The following EGFLAM variants were observed in gnomAD, a reference collection of about 807,000 sequenced individuals.
EGFLAM encodes pikachurin.
In EGFLAM, 79 loss-of-function variants were observed where a neutral mutation model predicts 113.1. The ratio of observed to expected loss-of-function variants is 0.70; its 90% confidence interval spans 0.58 to 0.84. EGFLAM has a LOEUF of 0.84. Among genes scored for constraint, EGFLAM ranks in the 40% least tolerant of loss-of-function variants. The pLI is 0.00. For synonymous variants in EGFLAM, 504 were observed against 487.6 expected (o/e 1.03, Z -0.44); for missense variants, 1,265 against 1,291.6 (o/e 0.98, Z 0.32).
chr5:38,329,875 G>A (rs759495131), intron 1 of EGFLAM, among the ~76,000 whole-genome samples: 17 of 152,050 alleles, frequency 1.1e-4, no homozygotes, highest in Non-Finnish European at 1.8e-4. Context: ...CATCATTAAC[G>A]TAGAGACTGA....
chr5:38,421,933 C>T (rs577427101), intron 12 of EGFLAM, among the ~76,000 whole-genome samples: 1 of 152,106 alleles, frequency 6.6e-6, no homozygotes, highest in African/African-American at 2.4e-5. Flanking sequence ...TTAGACGGGG[C>T]TTTCAGGGAT....
At chr5:38,293,582 T>C (rs1221993111) in intron 1 of EGFLAM, among the ~76,000 whole-genome samples, 1 of 152,222 alleles carries the variant, frequency 6.6e-6, no homozygotes, top group Non-Finnish European at 1.5e-5. Context: ...TCCTTAGCTG[T>C]TTTCCTTTAC....
In EGFLAM at chr5:38,438,111, G is replaced by T. The variant is rs1431411532; in HGVS notation, c.2284-164G>T. Among the ~76,000 whole-genome samples the T allele has an allele frequency of 5.6e-5, 7 of 126,092 alleles. No individual in the cohort carries two copies. In the East Asian group the frequency reaches 1.6e-3, roughly 28 times the overall value. 82.7% of individuals were successfully genotyped at this position (126,092 alleles called of 152,430 possible). ...CACTCCAGCCTGGGCAACACAGAAA[G>T]ACTCCATCTCCAAAAAAAAAAAAAA... On this transcript the variant is annotated intron_variant, in intron 16 of 21. Coordinates refer to ENST00000322350, the MANE Select transcript of EGFLAM (RefSeq NM_152403.4).
chr5:38,334,109 A>T (rs1445151044), intron 1 of EGFLAM, among the ~76,000 whole-genome samples: 1 of 151,836 alleles, frequency 6.6e-6, no homozygotes, highest in Non-Finnish European at 1.5e-5. Context: ...TCTTTAGTAG[A>T]GATGGGGTTT....
intron 5 of EGFLAM, among the ~76,000 whole-genome samples, chr5:38,354,457 G>A (rs909189735): frequency 3.3e-5 from 5 of 152,172 alleles, no homozygotes; most frequent in African/African-American, 1.2e-4. Context: ...GGCCAGGCGC[G>A]GTGGCTCACG....
rs547548595 is a variant in EGFLAM, at chr5:38,370,940, T to C, written c.712+478T>C. ...AAGAAGTTGAGCGCTGACATGGAGC[T>C]GGGGCTGTAGCCAATGGTGTATGTT... On this transcript the variant is annotated intron_variant, in intron 6 of 21. Coordinates refer to ENST00000322350, the MANE Select transcript of EGFLAM (RefSeq NM_152403.4). 4.6e-5 allele frequency among the ~76,000 whole-genome samples: 7 copies of C among 152,286 alleles called. No homozygotes were observed. In the South Asian group the frequency reaches 1.5e-3, roughly 32 times the overall value.
At chr5:38,451,172 C>T (rs569438718) in intron 18 of EGFLAM, 143 bp from the exon 19 acceptor site, 17 of 1,105,240 alleles carry the variant, frequency 1.5e-5, no homozygotes, top group South Asian at 1.0e-4. Flanking sequence ...ACCCGTGGTG[C>T]GACTCGTGGT....
chr5:38,401,175 C>T (rs1741101743), intron 6 of EGFLAM: 1 of 152,102 alleles, frequency 6.6e-6, no homozygotes, highest in African/African-American at 2.4e-5. Flanking sequence ...CAGCAATTTG[C>T]TTGTGGTCCT....
At position 38,383,264 on chromosome 5, in the gene EGFLAM, C is replaced by T. The variant is rs180838334; in HGVS notation, c.712+12802C>T. On this transcript the variant is annotated intron_variant, in intron 6 of 21. Transcript: ENST00000322350. Reference sequence around the variant, plus strand: ...TTTGGCGTTTATAACATTTTATTTACAATGCTGTGTCAAAATGATGCAAAC... The same window carrying T: ...TTTGGCGTTTATAACATTTTATTTATAATGCTGTGTCAAAATGATGCAAAC... Among the ~76,000 whole-genome samples, 20 of 152,280 alleles carry T rather than the reference C, an allele frequency of 1.3e-4. No homozygotes were observed. In the East Asian group the frequency reaches 3.5e-3, roughly 26 times the overall value.
chr5:38,434,084 TG>T (rs1402927901), intron 15 of EGFLAM, among the ~76,000 whole-genome samples: 1 of 152,228 alleles, frequency 6.6e-6, no homozygotes, highest in African/African-American at 2.4e-5. Flanking sequence ...CTCTCTCTCC[TG>T]CTTAAGTCTC....
chr5:38,440,126 A>G lies in EGFLAM; in HGVS notation c.2464+1671A>G, dbSNP rs956535017. Among the ~76,000 whole-genome samples, 9 of 152,296 alleles carry G rather than the reference A, an allele frequency of 5.9e-5. No homozygotes were observed. The East Asian group carries it at 7.7e-4, about 13-fold the overall frequency. On this transcript the variant is annotated intron_variant, in intron 17 of 21. Coordinates refer to ENST00000322350, the MANE Select transcript of EGFLAM (RefSeq NM_152403.4). Reference sequence around the variant, plus strand: ...GGGGCAGATCCCAGTGAGCACCTGGATCTGGCAAGATCTGTGGGAATGGAT... The same window carrying G: ...GGGGCAGATCCCAGTGAGCACCTGGGTCTGGCAAGATCTGTGGGAATGGAT...
At chr5:38,332,876 C>A (rs1739082371) in intron 1 of EGFLAM, among the ~76,000 whole-genome samples, 1 of 152,198 alleles carries the variant, frequency 6.6e-6, no homozygotes, top group Non-Finnish European at 1.5e-5. Context: ...GTGTGCGCGT[C>A]ATAGCCATCA....
chr5:38,403,990 C>T (rs1741198287), intron 6 of EGFLAM: 1 of 1,603,640 alleles, frequency 6.2e-7, no homozygotes, highest in Non-Finnish European at 8.5e-7. Context: ...AACACCGCCT[C>T]CCCTTTGTTA....
intron 20 of EGFLAM, chr5:38,461,078 A>G (rs1743255317): frequency 6.6e-6 from 1 of 152,226 alleles, no homozygotes; most frequent in Non-Finnish European, 1.5e-5. Flanking sequence ...CTCCTCTACC[A>G]GTCTTTATAG....
At chr5:38,378,474 G>T (rs1019678445) in intron 6 of EGFLAM, among the ~76,000 whole-genome samples, 4 of 152,164 alleles carry the variant, frequency 2.6e-5, no homozygotes, top group Non-Finnish European at 5.9e-5. Flanking sequence ...CCCTGAATAG[G>T]CTGCAGCAGT....
chr5:38,425,734 T>C (rs1441513413), intron 13 of EGFLAM, among the ~76,000 whole-genome samples: 5 of 152,210 alleles, frequency 3.3e-5, no homozygotes, highest in Non-Finnish European at 5.9e-5. Flanking sequence ...GAATAACTTT[T>C]AAAAAGCCTG....
At chr5:38,372,144 CTTT>C (rs370743910) in intron 6 of EGFLAM, among the ~76,000 whole-genome samples, 1 of 145,502 alleles carries the variant, frequency 6.9e-6, no homozygotes. Context: ...CATACTGCTC[CTTT>C]TTTTTTTTTT....
rs757501702 is a variant in EGFLAM at position 38,407,135 on chromosome 5, G to A, written c.1136G>A (p.Ser379Asn). Residue 379 changes from serine (S) to asparagine (N), a missense_variant, in exon 8 of 22, where the codon AGC becomes AAC. Physicochemically the swap from Ser to Asn is conservative, Grantham distance 46 (BLOSUM62 1). Coordinates refer to ENST00000322350, the MANE Select transcript of EGFLAM (RefSeq NM_152403.4). ...CQCTLGKGGE[S>N]CSEDIVIQYP... ...TGCACCCTGGGCAAAGGTGGTGAGA[G>A]CTGCTCAGAAGGTAGGCCCTTGGGG... 6.2e-7 allele frequency: 1 copy of A among 1,611,868 alleles called. No individual in the cohort carries two copies. Among genetic ancestry groups the A allele is most frequent in the Non-Finnish European group, 8.5e-7 (1 of 1,179,898 alleles).
Position 38,331,103 on chromosome 5 carries a change from T to C in EGFLAM, c.98-6417T>C, listed in dbSNP as rs144468019. On this transcript the variant is annotated intron_variant, in intron 1 of 21. Coordinates refer to ENST00000322350, the MANE Select transcript of EGFLAM (RefSeq NM_152403.4). The stretch of plus-strand genomic sequence containing the variant: ...AATTTGCCAAGGTTTTAAAAGACTA[T>C]TTAGAGTTTCAAATTCATAGTAAAA... Among the ~76,000 whole-genome samples, 1,018 of 152,270 alleles carry C rather than the reference T, an allele frequency of 6.7e-3. 8 individuals carry two copies. Among genetic ancestry groups the C allele is most frequent in the Non-Finnish European group, 9.9e-3 (675 of 68,008 alleles).
Sources: gnomAD v4.1 joint callset for allele counts (sites outside exome capture counted in the v4.1 genomes callset) on GRCh38, gnomAD v4.1.1 for gene constraint, MANE v1.5 for transcripts, NCBI Gene and HGNC (gene_info 2026-07-23, HGNC 2026-07-21) for gene names.